Variants in TACC2 observed in about 807,000 individuals in gnomAD.
TACC2 encodes the protein transforming acidic coiled-coil containing protein 2.
A neutral mutation model predicts 227.3 loss-of-function variants in TACC2; 137 were observed. The ratio of observed to expected loss-of-function variants is 0.60; its 90% CI spans 0.52 to 0.69. TACC2 has a LOEUF of 0.69. Among genes scored for constraint, TACC2 ranks in the 30% least tolerant of loss-of-function variants. The pLI, the probability that TACC2 is intolerant of heterozygous loss-of-function variation, is 0.00. For synonymous variants in TACC2, 1,523 were observed against 1,487.5 expected (o/e 1.02, Z -0.55); for missense variants, 3,470 against 3,694.4 (o/e 0.94, Z 1.57).
At chr10:122,036,215 C>T (rs1455040786) in intron 2 of TACC2, among the ~76,000 whole-genome samples, 31 of 138,862 alleles carry the variant, frequency 2.2e-4, no homozygotes, top group African/African-American at 4.2e-4. Flanking sequence ...TTTTTTGAGA[C>T]GGAGTCTCGC....
At chr10:122,034,649 G>A (rs1959643908) in intron 2 of TACC2, among the ~76,000 whole-genome samples, 2 of 152,178 alleles carry the variant, frequency 1.3e-5, no homozygotes, top group African/African-American at 2.4e-5. Context: ...AAATGTTTTG[G>A]GGCCGGGCGC....
chr10:122,170,266 T>C (rs1035505137), intron 7 of TACC2, among the ~76,000 whole-genome samples: 3 of 132,606 alleles, frequency 2.3e-5, no homozygotes, highest in Non-Finnish European at 4.8e-5. Context: ...ATCAAGTCTT[T>C]TTTTTTTTTT....
chr10:122,117,434 A>T (rs1242981406), intron 5 of TACC2, among the ~76,000 whole-genome samples: 1 of 152,068 alleles, frequency 6.6e-6, no homozygotes, highest in Non-Finnish European at 1.5e-5. Flanking sequence ...CTGTCAAGTT[A>T]TCTGCCCAGC....
chr10:122,194,469 C>T lies in TACC2; in HGVS notation c.5835-571C>T, dbSNP rs560582926. On this transcript the variant is annotated intron_variant, in intron 7 of 22. Transcript: ENST00000369005. This position sits in a 1 kb window ranked among gnomAD's most constrained non-coding sequence, Gnocchi z 4.4. Reference sequence around the variant, plus strand: ...TGGCTTCCTTCGTTCACTCCATTCACCCACTCAACACATGTTCATTCCCGG... The same window carrying T: ...TGGCTTCCTTCGTTCACTCCATTCATCCACTCAACACATGTTCATTCCCGG... Among the ~76,000 whole-genome samples, 32 of 152,286 alleles carry T rather than the reference C, an allele frequency of 2.1e-4. No individual in the cohort carries two copies. The highest frequency in any genetic ancestry group is 7.5e-4 in the African/African-American group (31 of 41,526).
intron 6 of TACC2, among the ~76,000 whole-genome samples, chr10:122,134,550 C>T (rs1247478050): frequency 2.0e-5 from 3 of 152,184 alleles, no homozygotes; most frequent in Non-Finnish European, 2.9e-5. Flanking sequence ...CGAACGAAGG[C>T]CCCCAACCCT....
chr10:122,009,679 G>A (rs1955682313), intron 1 of TACC2, among the ~76,000 whole-genome samples: 1 of 152,158 alleles, frequency 6.6e-6, no homozygotes, highest in Non-Finnish European at 1.5e-5. Context: ...TTTAATCCCA[G>A]CACTTTGGGA....
intron 7 of TACC2, among the ~76,000 whole-genome samples, chr10:122,178,676 G>C (rs1280401760): frequency 6.6e-6 from 1 of 152,182 alleles, no homozygotes; most frequent in South Asian, 2.1e-4. Context: ...TTAAGGCCAG[G>C]AATTTGGGAC....
chr10:122,203,309 G>C (rs367720741), intron 8 of TACC2, among the ~76,000 whole-genome samples: 2 of 135,680 alleles, frequency 1.5e-5, no homozygotes, highest in African/African-American at 3.5e-5. Context: ...TCCCAGTAGG[G>C]GCGGCCGGGC....
intron 21 of TACC2, 116 bp downstream of exon 21, chr10:122,249,272 A>G (rs1461496371): frequency 1.3e-6 from 1 of 784,744 alleles, no homozygotes; most frequent in Admixed American, 2.3e-5. Flanking sequence ...GGCATCATCC[A>G]AGTGTGTGTT....
At chr10:122,129,439 AT>A (rs1452844625) in intron 5 of TACC2, among the ~76,000 whole-genome samples, 1 of 152,044 alleles carries the variant, frequency 6.6e-6, no homozygotes, top group African/African-American at 2.4e-5. Context: ...ACTGTTGGGC[AT>A]TTTGGTTGTT....
chr10:122,131,149 G>T (rs1008853597), intron 5 of TACC2, among the ~76,000 whole-genome samples: 1 of 140,056 alleles, frequency 7.1e-6, no homozygotes, highest in Non-Finnish European at 1.5e-5. Context: ...CTGCATTTCA[G>T]TCTGGGCAGC....
intron 5 of TACC2, among the ~76,000 whole-genome samples, chr10:122,114,298 T>C (rs898290723): frequency 1.3e-5 from 2 of 152,264 alleles, no homozygotes; most frequent in African/African-American, 4.8e-5. Context: ...AAAAGCCGTT[T>C]CCATGATATC....
At chr10:122,162,377 T>C (rs2092871245) in intron 7 of TACC2, among the ~76,000 whole-genome samples, 1 of 152,230 alleles carries the variant, frequency 6.6e-6, no homozygotes, top group South Asian at 2.1e-4. Flanking sequence ...TTGTTTTTAT[T>C]TTCTTTTGCT....
At chr10:122,040,272 C>T (rs922803043) in intron 2 of TACC2, among the ~76,000 whole-genome samples, 1 of 152,160 alleles carries the variant, frequency 6.6e-6, no homozygotes, top group African/African-American at 2.4e-5. Flanking sequence ...GGGGGCATCA[C>T]CTGTTCCCGG....
Position 122,221,736 on chromosome 10 carries a change from G to A in TACC2, c.7547-2990G>A, listed in dbSNP as rs376963430. On this transcript the variant is annotated intron_variant, in intron 11 of 22. Transcript: ENST00000369005. Reference sequence around the variant, plus strand: ...CTCCTTTACATTTGTGTTACCCATCGAAGGGTTTTTATCTTAAAGTATTTC... The same window carrying A: ...CTCCTTTACATTTGTGTTACCCATCAAAGGGTTTTTATCTTAAAGTATTTC... 3.9e-5 allele frequency among the ~76,000 whole-genome samples: 6 copies of A among 152,174 alleles called. No individual in the cohort carries two copies. The East Asian group carries it at 1.2e-3, about 29-fold the overall frequency.
At position 122,087,209 on chromosome 10, in the gene TACC2, C is replaced by G. The variant is rs1439735004; in HGVS notation, c.4709C>G (p.Pro1570Arg). The G allele has an allele frequency of 6.2e-7, 1 of 1,612,814 alleles. No individual in the cohort carries two copies. Among genetic ancestry groups the G allele is most frequent in the Admixed American group, 1.7e-5 (1 of 60,004 alleles). Residue 1570 changes from proline to arginine, a missense_variant, in exon 4 of 23, where the codon CCT (proline) becomes CGT (arginine). Transcript: ENST00000369005. The stretch of plus-strand genomic sequence containing the variant: ...TCACCAGCAGCTACTCAGGAGCTCC[C>G]TGTGGAGAGAGCTGCTGCCTTCCAG... ...LPSPAATQEL[P>R]VERAAAFQVA...
At chr10:122,075,888 C>T (rs1197227944) in intron 3 of TACC2, among the ~76,000 whole-genome samples, 1 of 152,184 alleles carries the variant, frequency 6.6e-6, no homozygotes, top group Non-Finnish European at 1.5e-5. Flanking sequence ...CAGCCTCCGC[C>T]TCCTGGATTC....
chr10:122,026,159 A>C (rs1169252995), intron 2 of TACC2, among the ~76,000 whole-genome samples: 6 of 95,750 alleles, frequency 6.3e-5, no homozygotes, highest in African/African-American at 1.0e-4. Context: ...TCTACTAAAA[A>C]TCCAAAAAAA....
rs185411268 is a variant in TACC2 at position 122,189,076 on chromosome 10, A to C, written c.5835-5964A>C. Among the ~76,000 whole-genome samples the C allele has an allele frequency of 2.4e-3, 371 of 152,286 alleles. 1 individual carries two copies. The highest frequency in any genetic ancestry group is 8.8e-3 in the African/African-American group (367 of 41,552). On this transcript the variant is annotated intron_variant, in intron 7 of 22. Transcript: ENST00000369005. Reference sequence around the variant, plus strand: ...ACAGAGCAATTCCTTTTGTATATGCAGGATGGATGAATTGAAGTGAAAGAT... The same window carrying C: ...ACAGAGCAATTCCTTTTGTATATGCCGGATGGATGAATTGAAGTGAAAGAT...
Sources: allele counts gnomAD v4.1 joint callset (sites outside exome capture counted in the v4.1 genomes callset), GRCh38; gene constraint gnomAD v4.1.1; non-coding constraint Gnocchi (gnomAD v3.1); transcripts MANE v1.5; gene names NCBI Gene and HGNC (gene_info 2026-07-23, HGNC 2026-07-21).